Variants in SUFU observed in about 807,000 individuals in gnomAD.
The protein encoded by SUFU is suppressor of fused homolog.
Under a neutral mutation model 58.9 loss-of-function variants are expected in SUFU, and 7 were observed. The ratio of observed to expected loss-of-function variants is 0.12; its 90% CI spans 0.07 to 0.22. The LOEUF is 0.22. Ranked by LOEUF, SUFU falls within the 10% of genes least tolerant of loss-of-function variation. SUFU has a pLI of 1.00. For synonymous variants in SUFU, 232 were observed against 254.8 expected, an observed-to-expected ratio of 0.91 and a Z score of 0.85; for missense variants, 451 against 641.3, an observed-to-expected ratio of 0.70 and a Z score of 3.20.
rs1264822359 is a variant in SUFU, at chr10:102,629,131, G to C, written c.1366-935G>C. On this transcript the variant is annotated intron_variant, in intron 11 of 11. Coordinates refer to ENST00000369902, the MANE Select transcript of SUFU (RefSeq NM_016169.4). The surrounding 1 kb of genome is among the most constrained non-coding windows in gnomAD (Gnocchi z 4.7). ...AGATCGCGCCATTGCACTCCAGCCTGGGCAACAAGAGCGAAACTCCGTCTC... is the reference window on the plus strand; with the variant it reads ...AGATCGCGCCATTGCACTCCAGCCTCGGCAACAAGAGCGAAACTCCGTCTC... Among the ~76,000 whole-genome samples, 1 of 152,080 alleles carries C rather than the reference G, an allele frequency of 6.6e-6. No individual in the cohort carries two copies. The highest frequency in any genetic ancestry group is 1.5e-5 in the Non-Finnish European group (1 of 68,012).
chr10:102,604,163 C>T (rs903254531), intron 8 of SUFU, among the ~76,000 whole-genome samples: 42 of 152,192 alleles, frequency 2.8e-4, no homozygotes, highest in African/African-American at 9.6e-4. Flanking sequence ...GGAAAGAAAG[C>T]CCAGAAAGAA....
intron 7 of SUFU, among the ~76,000 whole-genome samples, chr10:102,597,707 T>A (rs1202893460): frequency 6.6e-6 from 1 of 152,270 alleles, no homozygotes; most frequent in African/African-American, 2.4e-5. Context: ...AGGATCACTC[T>A]GGCCTCGGGC....
At chr10:102,530,190 C>T (rs1376480984) in intron 2 of SUFU, among the ~76,000 whole-genome samples, 1 of 152,136 alleles carries the variant, frequency 6.6e-6, no homozygotes, top group East Asian at 1.9e-4. Context: ...TTCTCGTCCA[C>T]TTTGCTGGGC....
intron 8 of SUFU, among the ~76,000 whole-genome samples, chr10:102,605,623 T>G (rs929327317): frequency 1.3e-5 from 2 of 152,232 alleles, no homozygotes; most frequent in African/African-American, 4.8e-5. Flanking sequence ...TATACAGCCT[T>G]GTGCTTAATA....
intron 2 of SUFU, among the ~76,000 whole-genome samples, chr10:102,548,735 C>G (rs1029249292): frequency 1.3e-5 from 2 of 152,192 alleles, no homozygotes; most frequent in East Asian, 3.9e-4. Flanking sequence ...GCCCAGCTCT[C>G]TGATCCACAT....
At chr10:102,579,858 G>C in intron 3 of SUFU, 1 of 985,340 alleles carries the variant, frequency 1.0e-6, no homozygotes, top group Non-Finnish European at 1.2e-6. Flanking sequence ...TGAAAAGGTA[G>C]GTGGGTGAGG....
intron 2 of SUFU, among the ~76,000 whole-genome samples, chr10:102,528,421 A>G (rs933934899): frequency 2.0e-5 from 3 of 152,094 alleles, no homozygotes; most frequent in Non-Finnish European, 4.4e-5. Flanking sequence ...AATAAAAAAA[A>G]TTAGCCAGGC....
At chr10:102,505,536 A>G (rs2062314374) in intron 1 of SUFU, among the ~76,000 whole-genome samples, 1 of 152,160 alleles carries the variant, frequency 6.6e-6, no homozygotes, top group African/African-American at 2.4e-5. Context: ...TCCTTTTAGG[A>G]CTGAGTCTTC....
At chr10:102,623,256 C>T (rs1030049227) in intron 10 of SUFU, among the ~76,000 whole-genome samples, 2 of 152,206 alleles carry the variant, frequency 1.3e-5, no homozygotes, top group Admixed American at 1.3e-4. Context: ...ATTATTTCTA[C>T]TGCTACTTTC....
intron 3 of SUFU, among the ~76,000 whole-genome samples, chr10:102,586,492 T>C (rs922279242): frequency 2.0e-5 from 3 of 151,794 alleles, no homozygotes; most frequent in African/African-American, 7.3e-5. Context: ...GCTAACACGG[T>C]GAAACCCTGT....
chr10:102,599,425 C>T lies in SUFU; in HGVS notation c.911-8C>T, dbSNP rs771361493. ...GGGCCACTGGGCAACTTAGTGGTGT[C>T]GTTGCAGACACAGAGCAGATCCGGG... On this transcript the variant is annotated splice_polypyrimidine_tract_variant and splice_region_variant and intron_variant, in intron 7 of 11. Coordinates refer to ENST00000369902, the MANE Select transcript of SUFU (RefSeq NM_016169.4). 3.7e-6 allele frequency: 6 copies of T among 1,608,706 alleles called. No individual in the cohort carries two copies. The highest frequency in any genetic ancestry group is 2.2e-5 in the East Asian group (1 of 44,846).
At position 102,612,217 on chromosome 10, in the gene SUFU, A is replaced by ATGTG. The variant is rs56149900; in HGVS notation, c.1023-3039_1023-3036dup. Reference sequence around the variant, plus strand: ...TGTGTGTGTGTGTGTGTGCACGCGCATGTGTGTGTGTGTGTATAGCAGCCG... The same window carrying ATGTG: ...TGTGTGTGTGTGTGTGTGCACGCGCATGTGTGTGTGTGTGTGTGTATAGCAGCCG... On this transcript the variant is annotated intron_variant, in intron 8 of 11. Transcript: ENST00000369902. Among the ~76,000 whole-genome samples, 282 of 146,114 alleles carry ATGTG rather than the reference A, an allele frequency of 1.9e-3. 1 individual carries two copies. The highest frequency in any genetic ancestry group is 6.0e-3 in the African/African-American group (240 of 39,858).
chr10:102,627,438 C>T (rs1252521723), intron 11 of SUFU, among the ~76,000 whole-genome samples, 195 bp downstream of exon 11: 1 of 152,234 alleles, frequency 6.6e-6, no homozygotes, highest in Non-Finnish European at 1.5e-5. Flanking sequence ...GTAGATTTCT[C>T]TTCTGTTTCT....
chr10:102,514,473 A>G (rs747713256), intron 2 of SUFU, among the ~76,000 whole-genome samples: 4 of 152,248 alleles, frequency 2.6e-5, no homozygotes, highest in African/African-American at 4.8e-5. Context: ...GTTTTGATCA[A>G]GATTCTTAAG....
chr10:102,511,587 G>A (rs774867141), intron 2 of SUFU, among the ~76,000 whole-genome samples: 24 of 152,028 alleles, frequency 1.6e-4, no homozygotes, highest in Non-Finnish European at 3.2e-4. Context: ...TCAGGGTCTC[G>A]TTATTCCTAT....
chr10:102,580,501 A>T (rs575213304), intron 3 of SUFU, among the ~76,000 whole-genome samples: 1 of 152,022 alleles, frequency 6.6e-6, no homozygotes, highest in Non-Finnish European at 1.5e-5. Context: ...GGGAGGGGGT[A>T]TGGAGCCGGG....
intron 2 of SUFU, among the ~76,000 whole-genome samples, chr10:102,531,082 C>A (rs1487034070): frequency 5.2e-5 from 5 of 95,390 alleles, no homozygotes; most frequent in African/African-American, 1.2e-4. Context: ...CCATTTCTAC[C>A]AAAAAAAAAA....
At chr10:102,593,910 G>T (rs1347883608) in intron 5 of SUFU, 83 bp from the exon 6 acceptor site, 2 of 1,536,338 alleles carry the variant, frequency 1.3e-6, no homozygotes, top group African/African-American at 1.4e-5. Flanking sequence ...CTAGGCCTGG[G>T]GCAGCAAACA....
At chr10:102,587,459 T>C (rs1453590892) in intron 3 of SUFU, among the ~76,000 whole-genome samples, 1 of 152,196 alleles carries the variant, frequency 6.6e-6, no homozygotes, top group Non-Finnish European at 1.5e-5. Context: ...TGCATTTCTT[T>C]TTACTTTCTT....
Sources: gnomAD v4.1 joint callset for allele counts (sites outside exome capture counted in the v4.1 genomes callset) on GRCh38, gnomAD v4.1.1 for gene constraint, Gnocchi (gnomAD v3.1) non-coding constraint, MANE v1.5 for transcripts, NCBI Gene and HGNC (gene_info 2026-07-23, HGNC 2026-07-21) for gene names.